The following VPS13D variants were observed in gnomAD, a reference collection of about 807,000 sequenced individuals.
The protein encoded by VPS13D is intermembrane lipid transfer protein VPS13D.
VPS13D carries 187 observed loss-of-function variants against 461.9 expected under a neutral mutation model. The ratio of observed to expected loss-of-function variants is 0.40; its 90% confidence interval spans 0.36 to 0.46. The LOEUF (loss-of-function observed/expected upper bound fraction) is 0.46. Ranked by LOEUF, VPS13D falls within the 20% of genes least tolerant of loss-of-function variation. VPS13D has a pLI of 0.60. For synonymous variants in VPS13D, 1,951 were observed against 1,986.3 expected, an observed-to-expected ratio of 0.98 and a Z score of 0.47; for missense variants, 4,711 against 5,364.9, an observed-to-expected ratio of 0.88 and a Z score of 3.81.
At chr1:12,243,235 G>A (rs556308816) in intron 3 of VPS13D, among the ~76,000 whole-genome samples, 3 of 152,148 alleles carry the variant, frequency 2.0e-5, no homozygotes, top group South Asian at 2.1e-4. Context: ...GATTACGGGC[G>A]TGAGCCACCA....
intron 69 of VPS13D, 86 bp from the exon 70 acceptor site, chr1:12,508,807 T>A (rs1646147524): frequency 6.9e-7 from 1 of 1,458,114 alleles, no homozygotes; most frequent in Non-Finnish European, 9.4e-7. Context: ...GAGATGCAGC[T>A]GGGCTGGGAG....
At position 12,261,999 on chromosome 1, in the gene VPS13D, C is replaced by T. The variant is rs1159793845; in HGVS notation, c.1513C>T (p.Arg505Ter). The T allele has an allele frequency of 6.2e-7, 1 of 1,614,116 alleles. No homozygotes were observed. ...TGCCAAACTGAATTTGCAGTTGCAG[C>T]GAGGTACAGTGACTCTGTTACACAA... ...VFAKLNLQLQ[R>*]GTVTLLHKEQ... is the part of the protein sequence containing the mutation. Residue 505 changes from arginine (R) to a stop codon, truncating the protein, a stop_gained, in exon 13 of 70, where the codon CGA (arginine) becomes TGA (stop). Coordinates refer to ENST00000620676, the MANE Select transcript of VPS13D (RefSeq NM_015378.4). LOFTEE classifies it high-confidence loss of function.
At chr1:12,275,079 C>G (rs1350251169) in intron 18 of VPS13D, among the ~76,000 whole-genome samples, 3 of 152,060 alleles carry the variant, frequency 2.0e-5, no homozygotes, top group African/African-American at 7.2e-5. Context: ...ATTAGCCAGT[C>G]ATGGTAGCAG....
At chr1:12,487,231 CT>C (rs1299377824) in intron 67 of VPS13D, among the ~76,000 whole-genome samples, 1 of 152,122 alleles carries the variant, frequency 6.6e-6, no homozygotes, top group Non-Finnish European at 1.5e-5. Context: ...CTTTCTTTTC[CT>C]CCTCACCCTC....
At chr1:12,446,357 C>T (rs1425033112) in intron 65 of VPS13D, among the ~76,000 whole-genome samples, 1 of 150,728 alleles carries the variant, frequency 6.6e-6, no homozygotes, top group Non-Finnish European at 1.5e-5. Context: ...GCTGAGGTTG[C>T]AGTGAGCCAA....
intron 65 of VPS13D, among the ~76,000 whole-genome samples, chr1:12,451,573 GACTTAAGTCTCTGCAA>G (rs536252385): frequency 2.6e-4 from 39 of 152,336 alleles, no homozygotes; most frequent in African/African-American, 8.9e-4. Flanking sequence ...GAGGTAGGCA[GACTTAAGTCTCTGCAA>G]ATGCTCCTTC....
intron 38 of VPS13D, among the ~76,000 whole-genome samples, chr1:12,334,268 A>G (rs1239386560): frequency 6.6e-6 from 1 of 152,210 alleles, no homozygotes; most frequent in African/African-American, 2.4e-5. Context: ...TATCACCTAG[A>G]TAATAGTAAG....
At chr1:12,415,820 CCTAA>C (rs1477675509) in intron 64 of VPS13D, among the ~76,000 whole-genome samples, 1 of 152,176 alleles carries the variant, frequency 6.6e-6, no homozygotes, top group African/African-American at 2.4e-5. Context: ...GATATTTCCA[CCTAA>C]CTAAGGAAAG....
intron 6 of VPS13D, among the ~76,000 whole-genome samples, chr1:12,252,438 G>A (rs1372076392): frequency 2.6e-5 from 4 of 152,086 alleles, no homozygotes; most frequent in Admixed American, 2.6e-4. Flanking sequence ...ATATCCTCAG[G>A]TTCCATATCC....
rs533737551 is a variant in VPS13D at position 12,469,024 on chromosome 1, A to C, written c.12662+8628A>C. On this transcript the variant is annotated intron_variant, in intron 67 of 69. Coordinates refer to ENST00000620676, the MANE Select transcript of VPS13D (RefSeq NM_015378.4). ...ACTCCAGCCTGGGTGATGGGAGTGAAACCCTGTCTCAAAGAAAAAAAAAAA... is the reference window on the plus strand; with the variant it reads ...ACTCCAGCCTGGGTGATGGGAGTGACACCCTGTCTCAAAGAAAAAAAAAAA... Among the ~76,000 whole-genome samples the C allele has an allele frequency of 9.3e-4, 141 of 152,000 alleles. 1 individual carries two copies. The highest frequency in any genetic ancestry group is 3.0e-3 in the African/African-American group (124 of 41,404).
chr1:12,411,856 A>T (rs1435479881), intron 63 of VPS13D, among the ~76,000 whole-genome samples: 4 of 152,142 alleles, frequency 2.6e-5, no homozygotes, highest in Non-Finnish European at 5.9e-5. Context: ...TCCCATCTTC[A>T]AGGAAGCTAC....
intron 60 of VPS13D, among the ~76,000 whole-genome samples, chr1:12,399,145 T>G (rs1644538799): frequency 6.6e-6 from 1 of 152,224 alleles, no homozygotes; most frequent in South Asian, 2.1e-4. Flanking sequence ...ATTAAATTTT[T>G]TGTTTCATTC....
Position 12,271,000 on chromosome 1 carries a change from GT to G in VPS13D, c.1981del (p.Tyr661IlefsTer7). On this transcript the variant is annotated frameshift_variant, in exon 17 of 70. Transcript: ENST00000620676. LOFTEE classifies it high-confidence loss of function. ...TGTATTTCCAACCTTGCAGGTTTTG[GT>G]TATCAGTCTGAACTTGAGCTGAGAG... ...YKGKVHTSGF[G>X]YQSELELRVA... The G allele has an allele frequency of 6.2e-7, 1 of 1,613,574 alleles. No individual in the cohort carries two copies.
chr1:12,431,583 C>A (rs1644992728), intron 65 of VPS13D, among the ~76,000 whole-genome samples: 1 of 151,594 alleles, frequency 6.6e-6, no homozygotes, highest in South Asian at 2.1e-4. Flanking sequence ...ATTTTTTATC[C>A]ATTTGTGTGT....
intron 65 of VPS13D, among the ~76,000 whole-genome samples, chr1:12,452,490 C>T (rs1645275203): frequency 6.6e-6 from 1 of 152,246 alleles, no homozygotes; most frequent in African/African-American, 2.4e-5. Context: ...GAATTCCCTC[C>T]CTCCACAGCC....
intron 65 of VPS13D, among the ~76,000 whole-genome samples, chr1:12,421,054 T>C (rs1217341439): frequency 2.0e-5 from 3 of 152,246 alleles, no homozygotes; most frequent in African/African-American, 7.2e-5. Flanking sequence ...GTTTAATTTA[T>C]TTAATACTGG....
rs746463751 is a variant in VPS13D, at chr1:12,383,153, C to T, written c.11368C>T (p.Gln3790Ter). The T allele has an allele frequency of 6.2e-7, 1 of 1,609,464 alleles. No homozygotes were observed. The highest frequency in any genetic ancestry group is 8.5e-7 in the Non-Finnish European group (1 of 1,178,228). Residue 3790 changes from glutamine to a stop codon, truncating the protein, a stop_gained and splice_region_variant, in exon 58 of 70, where the codon CAG becomes TAG. Transcript: ENST00000620676. LOFTEE classifies it high-confidence loss of function. ...CCCAGATGGACCAACTAGAGCACTC[C>T]AGGTGATAATTTGTCATAAGAGCTG... ...VIPDGPTRAL[Q>*]ITDFCHRKSS...
intron 15 of VPS13D, 50 bp downstream of exon 15, chr1:12,267,970 A>T (rs745962689): frequency 7.9e-6 from 12 of 1,516,656 alleles, no homozygotes; most frequent in Non-Finnish European, 9.8e-6. Context: ...TTTTAAATTA[A>T]TTTTTCTTTG....
At chr1:12,452,925 T>C (rs894572516) in intron 65 of VPS13D, among the ~76,000 whole-genome samples, 4 of 152,224 alleles carry the variant, frequency 2.6e-5, no homozygotes, top group South Asian at 2.1e-4. Flanking sequence ...CAATTTTTTA[T>C]GGACAGAGAA....
Sources: allele counts gnomAD v4.1 joint callset (sites outside exome capture counted in the v4.1 genomes callset), GRCh38; gene constraint gnomAD v4.1.1; transcripts MANE v1.5; gene names NCBI Gene and HGNC (gene_info 2026-07-23, HGNC 2026-07-21).